FGF12: variants seen among roughly 807,000 people sequenced by gnomAD.
FGF12 encodes fibroblast growth factor 12.
FGF12 carries 14 observed loss-of-function variants against 23.6 expected under a neutral mutation model. That is an observed-to-expected ratio of 0.59 (90% CI 0.39 to 0.93). The LOEUF is 0.93. FGF12 is among the 40% of genes least tolerant of loss of function. FGF12 has a pLI of 0.00. For synonymous variants in FGF12, 62 were observed against 77.3 expected (o/e 0.80, Z 1.04); for missense variants, 175 against 217.8 (o/e 0.80, Z 1.24).
intron 5 of FGF12, among the ~76,000 whole-genome samples, chr3:192,169,650 G>A (rs888255066): frequency 3.3e-5 from 5 of 151,902 alleles, no homozygotes; most frequent in Admixed American, 1.3e-4. Flanking sequence ...TTCCTCAGAC[G>A]AGGATGCTGA....
At chr3:192,404,737 T>C (rs967448376) in intron 2 of FGF12, among the ~76,000 whole-genome samples, 1 of 152,172 alleles carries the variant, frequency 6.6e-6, no homozygotes, top group Admixed American at 6.5e-5. Flanking sequence ...TCTCCAATAT[T>C]TCATTTTCAA....
intron 4 of FGF12, among the ~76,000 whole-genome samples, chr3:192,190,531 A>G (rs1305733300): frequency 8.2e-6 from 1 of 121,902 alleles, no homozygotes; most frequent in Non-Finnish European, 1.5e-5. Context: ...GCTGGAGTGC[A>G]GTGGCGGGAT....
intron 2 of FGF12, among the ~76,000 whole-genome samples, chr3:192,591,323 A>G (rs1454798575): frequency 1.3e-5 from 2 of 151,336 alleles, no homozygotes; most frequent in Non-Finnish European, 2.9e-5. Flanking sequence ...TAGAGACTCA[A>G]TTTGTCATCA....
rs148243023 is a variant in FGF12, at chr3:192,397,832, CCT to C, written c.14-37296_14-37295del. ...TTTGGGCACTTATTTAAATTCTGCC[CCT>C]GTTTCTTAATGATTTTTAATGCATT... On this transcript the variant is annotated intron_variant, in intron 2 of 5. Transcript: ENST00000445105. 4.4e-3 allele frequency among the ~76,000 whole-genome samples: 667 copies of C among 152,108 alleles called. 3 individuals carry two copies. The highest frequency in any genetic ancestry group is 0.013 in the African/African-American group (555 of 41,468).
At chr3:192,491,307 C>T (rs901563301) in intron 2 of FGF12, among the ~76,000 whole-genome samples, 1 of 152,164 alleles carries the variant, frequency 6.6e-6, no homozygotes, top group Non-Finnish European at 1.5e-5. Context: ...CTATGTCATA[C>T]TGCAATGCAC....
chr3:192,528,870 G>C (rs762844325), intron 2 of FGF12, among the ~76,000 whole-genome samples: 1 of 152,114 alleles, frequency 6.6e-6, no homozygotes, highest in Non-Finnish European at 1.5e-5. Context: ...GGGACACAGG[G>C]CACCAAGTTC....
chr3:192,640,592 T>C (rs989869424), intron 2 of FGF12, among the ~76,000 whole-genome samples: 15 of 152,196 alleles, frequency 9.9e-5, no homozygotes, highest in Non-Finnish European at 2.1e-4. Context: ...GAGGATAACA[T>C]GGCCTGCCAG....
At chr3:192,312,333 G>C (rs1407236690) in intron 4 of FGF12, among the ~76,000 whole-genome samples, 3 of 150,984 alleles carry the variant, frequency 2.0e-5, no homozygotes, top group African/African-American at 4.9e-5. Context: ...ATCCATTTTG[G>C]GTTACTTTTT....
At chr3:192,698,614 C>G in intron 2 of FGF12, among the ~76,000 whole-genome samples, 1 of 152,048 alleles carries the variant, frequency 6.6e-6, no homozygotes, top group East Asian at 1.9e-4. Flanking sequence ...TTCCATTAAA[C>G]CTTACTCACT....
At position 192,384,544 on chromosome 3, in the gene FGF12, A is replaced by G. The variant is rs187252102; in HGVS notation, c.14-24006T>C. On this transcript the variant is annotated intron_variant, in intron 2 of 5. Transcript: ENST00000445105. ...GATGTTAATTTGCTTATTCAGATGC[A>G]AAAGTGTTGAGGAGCTCCCAAATGT... is the stretch of plus-strand genomic sequence containing the variant. Among the ~76,000 whole-genome samples the G allele has an allele frequency of 8.7e-3, 1,325 of 152,296 alleles. 14 individuals carry two copies. The highest frequency in any genetic ancestry group is 0.02 in the Middle Eastern group (6 of 294).
At chr3:192,371,469 C>T (rs1719226549) in intron 2 of FGF12, among the ~76,000 whole-genome samples, 1 of 152,176 alleles carries the variant, frequency 6.6e-6, no homozygotes, top group Non-Finnish European at 1.5e-5. Flanking sequence ...AACTAAGACC[C>T]ACTGAACTAA....
chr3:192,372,650 T>C (rs967105236), intron 2 of FGF12, among the ~76,000 whole-genome samples: 8 of 152,180 alleles, frequency 5.3e-5, no homozygotes, highest in African/African-American at 1.9e-4. Context: ...GTTCAGGCCA[T>C]CGAGTGCTCT....
intron 2 of FGF12, among the ~76,000 whole-genome samples, chr3:192,483,776 T>C (rs1327015669): frequency 6.6e-6 from 1 of 151,918 alleles, no homozygotes; most frequent in Non-Finnish European, 1.5e-5. Flanking sequence ...ATATAAGCAG[T>C]ACCCTAGAAG....
chr3:192,417,169 A>G (rs1342824520), intron 2 of FGF12, among the ~76,000 whole-genome samples: 4 of 152,110 alleles, frequency 2.6e-5, no homozygotes, highest in Non-Finnish European at 4.4e-5. Context: ...TGGCATGGCA[A>G]TGGAAAAACA....
intron 4 of FGF12, among the ~76,000 whole-genome samples, chr3:192,302,105 A>C (rs1325182793): frequency 6.6e-6 from 1 of 152,222 alleles, no homozygotes; most frequent in Non-Finnish European, 1.5e-5. Context: ...TTTGCAGAAC[A>C]ATCAAGTGAC....
chr3:192,574,661 A>G (rs1279730912), intron 2 of FGF12, among the ~76,000 whole-genome samples: 1 of 152,232 alleles, frequency 6.6e-6, no homozygotes, highest in Admixed American at 6.5e-5. Context: ...TGCTTAGCCT[A>G]AAATTTAAGA....
chr3:192,167,770 A>ATATATAT (rs1421281367), intron 5 of FGF12, among the ~76,000 whole-genome samples: 597 of 9,008 alleles, frequency 0.066, 50 homozygotes, highest in Non-Finnish European at 0.076. Context: ...TATATATATA[A>ATATATAT]AATTTTTTTT....
At chr3:192,497,706 T>C (rs1277889681) in intron 2 of FGF12, among the ~76,000 whole-genome samples, 1 of 152,194 alleles carries the variant, frequency 6.6e-6, no homozygotes, top group Non-Finnish European at 1.5e-5. Flanking sequence ...ATTTGCAGGC[T>C]TGCTTCCTCA....
At chr3:192,589,192 G>C (rs1216975447) in intron 2 of FGF12, among the ~76,000 whole-genome samples, 1 of 151,606 alleles carries the variant, frequency 6.6e-6, no homozygotes, top group Non-Finnish European at 1.5e-5. Flanking sequence ...AAAAATAGCT[G>C]GGTGTGGTGG....
Sources: allele counts gnomAD v4.1 joint callset (sites outside exome capture counted in the v4.1 genomes callset), GRCh38; gene constraint gnomAD v4.1.1; transcripts MANE v1.5; gene names NCBI Gene and HGNC (gene_info 2026-07-23, HGNC 2026-07-21).